The following ABHD3 variants were observed in gnomAD, a reference collection of about 807,000 sequenced individuals.
ABHD3 encodes the protein abhydrolase domain containing 3, phospholipase, also known as phospholipase ABHD3.
Under a neutral mutation model 48.8 loss-of-function variants are expected in ABHD3, and 46 were observed. The observed-to-expected ratio is 0.94, with a 90% CI of 0.74 to 1.20. ABHD3 has a LOEUF of 1.20. Ranked by LOEUF, ABHD3 falls within the 50% of genes most tolerant of loss-of-function variation. The pLI, the probability that ABHD3 is intolerant of heterozygous loss-of-function variation, is 0.00. For missense variants in ABHD3, 490 were observed against 497.8 expected (o/e 0.98, Z 0.15); for synonymous variants, 192 against 183.7 (o/e 1.04, Z -0.36).
intron 5 of ABHD3, chr18:21,662,308 T>A (rs527705504): frequency 6.6e-6 from 1 of 151,666 alleles, no homozygotes; most frequent in Non-Finnish European, 1.5e-5. Context: ...GGTTTCACCA[T>A]GTTAGCCAGG....
chr18:21,651,470 C>G lies in ABHD3; in HGVS notation c.*121G>C. 5.2e-6 allele frequency: 6 copies of G among 1,152,822 alleles called. No individual in the cohort carries two copies. Among genetic ancestry groups the G allele is most frequent in the Non-Finnish European group, 7.3e-6 (6 of 825,668 alleles). 71.4% of individuals were successfully genotyped at this position (1,152,822 alleles called of 1,614,324 possible). The stretch of plus-strand genomic sequence containing the variant: ...TAAAAAGTAGTTTTTGCATATCATT[C>G]TGGACCTCTTCACCCATCTGCTGGC... On this transcript the variant is annotated 3_prime_UTR_variant, in exon 9 of 9. Transcript: ENST00000289119.
chr18:21,660,130 TA>T (rs34163742), intron 5 of ABHD3, among the ~76,000 whole-genome samples: 27,669 of 122,214 alleles, frequency 0.23, 4,278 homozygotes, highest in East Asian at 0.4. Context: ...CACAGCTAAT[TA>T]AAAAAAAAAA....
intron 3 of ABHD3, among the ~76,000 whole-genome samples, chr18:21,690,905 G>A (rs1215778661): frequency 1.4e-5 from 2 of 147,550 alleles, no homozygotes; most frequent in Non-Finnish European, 3.0e-5. Context: ...TGAGGCAGGA[G>A]AACTGCTGGA....
chr18:21,651,786 C>A, intron 8 of ABHD3, 23 bp from the exon 9 acceptor site: 4 of 1,491,272 alleles, frequency 2.7e-6, no homozygotes, highest in South Asian at 2.7e-5. Context: ...AAAAACATGG[C>A]AATAAGAGAG....
At chr18:21,703,896 A>C in intron 1 of ABHD3, 149 bp from the exon 2 acceptor site, 1 of 779,278 alleles carries the variant, frequency 1.3e-6, no homozygotes, top group Non-Finnish European at 2.0e-6. Context: ...TCACAGTCAC[A>C]GAGGACTGAA....
In ABHD3 at chr18:21,667,760, A is replaced by C. The variant is rs1395474831; in HGVS notation, c.556-3530T>G. On this transcript the variant is annotated intron_variant, in intron 4 of 8. Transcript: ENST00000289119. Reference sequence around the variant, plus strand: ...ATCTATTTTATAAATGAGGAAACTGAATTTAGAGAGGTTAAATAACTCCTG... The same window carrying C: ...ATCTATTTTATAAATGAGGAAACTGCATTTAGAGAGGTTAAATAACTCCTG... 2.0e-5 allele frequency among the ~76,000 whole-genome samples: 3 copies of C among 152,272 alleles called. No individual in the cohort carries two copies. The East Asian group carries it at 5.8e-4, about 29-fold the overall frequency.
chr18:21,692,783 A>G (rs920660693), intron 3 of ABHD3, among the ~76,000 whole-genome samples: 9 of 152,116 alleles, frequency 5.9e-5, no homozygotes, highest in African/African-American at 2.2e-4. Flanking sequence ...CATTTCACTC[A>G]TTTGATTTCT....
intron 4 of ABHD3, among the ~76,000 whole-genome samples, chr18:21,672,504 G>C (rs2039778670): frequency 1.3e-5 from 2 of 152,176 alleles, no homozygotes; most frequent in African/African-American, 4.8e-5. Context: ...ATATTTCATT[G>C]AGTATTCCTC....
intron 4 of ABHD3, chr18:21,683,402 T>G (rs2040051828): frequency 3.0e-6 from 1 of 338,248 alleles, no homozygotes. Flanking sequence ...CAAACAGGCA[T>G]GTGACATACA....
At chr18:21,656,813 A>G (rs1368258176) in intron 8 of ABHD3, 48 bp downstream of exon 8, 1 of 1,467,868 alleles carries the variant, frequency 6.8e-7, no homozygotes, top group Admixed American at 2.2e-5. Context: ...ATAACAATAT[A>G]TTAAAAGTTG....
At position 21,699,826 on chromosome 18, in the gene ABHD3, C is replaced by T. The variant is rs55900938; in HGVS notation, c.509+2490G>A. 9.0e-3 allele frequency among the ~76,000 whole-genome samples: 1,369 copies of T among 151,520 alleles called. 22 individuals carry two copies. Among genetic ancestry groups the T allele is most frequent in the African/African-American group, 0.031 (1,278 of 41,300 alleles). ...CCGAGTAACTGGGATTATAGGCACG[C>T]GCTGCCATGCCTGGCTAATTTTTGT... On this transcript the variant is annotated intron_variant, in intron 3 of 8. Transcript: ENST00000289119.
intron 8 of ABHD3, chr18:21,654,814 T>C: frequency 6.6e-6 from 1 of 152,196 alleles, no homozygotes; most frequent in East Asian, 1.9e-4. Context: ...TTGTCCACTA[T>C]TTCATTGCGG....
In ABHD3 at chr18:21,651,371, G is replaced by C. The variant is rs2039216689; in HGVS notation, c.*220C>G. Reference sequence around the variant, plus strand: ...TTAAGGATGTACTTGGTAAGGCATAGTAAAAATAAAATCTACGTAAGTAAC... The same window carrying C: ...TTAAGGATGTACTTGGTAAGGCATACTAAAAATAAAATCTACGTAAGTAAC... On this transcript the variant is annotated 3_prime_UTR_variant, in exon 9 of 9. Transcript: ENST00000289119. 1 of 399,806 alleles carries C rather than the reference G, an allele frequency of 2.5e-6. No homozygotes were observed. The highest frequency in any genetic ancestry group is 5.1e-5 in the South Asian group (1 of 19,680). 24.8% of individuals were successfully genotyped at this position (399,806 alleles called of 1,614,324 possible).
intron 4 of ABHD3, among the ~76,000 whole-genome samples, chr18:21,677,451 C>T (rs756280542): frequency 1.5e-4 from 23 of 151,866 alleles, no homozygotes; most frequent in Middle Eastern, 3.2e-3. Context: ...GTGACCCGCC[C>T]GCCTGGGCAC....
chr18:21,684,521 C>T (rs773654759), intron 3 of ABHD3, among the ~76,000 whole-genome samples: 50 of 151,936 alleles, frequency 3.3e-4, no homozygotes, highest in Non-Finnish European at 5.3e-4. Flanking sequence ...CAGAGTTTCA[C>T]CATGTTGACC....
chr18:21,698,139 T>C (rs755126251), intron 3 of ABHD3, among the ~76,000 whole-genome samples: 4 of 152,140 alleles, frequency 2.6e-5, no homozygotes, highest in Non-Finnish European at 5.9e-5. Context: ...TGTTTCTCTA[T>C]CCCAAGAGGT....
chr18:21,663,080 G>A (rs1303486493), intron 5 of ABHD3, among the ~76,000 whole-genome samples: 4 of 152,184 alleles, frequency 2.6e-5, no homozygotes, highest in Admixed American at 6.5e-5. Context: ...CCATGCTAAT[G>A]GAAGAAATGT....
chr18:21,690,033 G>A (rs764122682), intron 3 of ABHD3, among the ~76,000 whole-genome samples: 1 of 150,300 alleles, frequency 6.7e-6, no homozygotes, highest in Non-Finnish European at 1.5e-5. Flanking sequence ...AGATTGTCCA[G>A]ATGTTAGAAC....
chr18:21,687,490 C>T (rs1454129316), intron 3 of ABHD3, among the ~76,000 whole-genome samples: 5 of 152,168 alleles, frequency 3.3e-5, no homozygotes, highest in Non-Finnish European at 7.3e-5. Context: ...GGATTACAGG[C>T]GTGAGCCACC....
Sources: gnomAD v4.1 joint callset for allele counts (sites outside exome capture counted in the v4.1 genomes callset) on GRCh38, gnomAD v4.1.1 for gene constraint, MANE v1.5 for transcripts, NCBI Gene and HGNC (gene_info 2026-07-23, HGNC 2026-07-21) for gene names.